Variants in FSTL5 observed in about 807,000 individuals in gnomAD.
FSTL5 encodes the protein follistatin like 5.
Under a neutral mutation model 89.1 loss-of-function variants are expected in FSTL5, and 62 were observed. The observed-to-expected ratio is 0.70, with a 90% CI of 0.57 to 0.86. FSTL5 has a LOEUF of 0.86. Among genes scored for constraint, FSTL5 ranks in the 40% least tolerant of loss-of-function variants. The pLI, the probability that FSTL5 is intolerant of heterozygous loss-of-function variation, is 0.00. For synonymous variants in FSTL5, 383 were observed against 346.2 expected, an observed-to-expected ratio of 1.11 and a Z score of -1.18; for missense variants, 1,057 against 1,001.6, an observed-to-expected ratio of 1.06 and a Z score of -0.75.
intron 15 of FSTL5, among the ~76,000 whole-genome samples, chr4:161,447,128 AC>A (rs1732971158): frequency 6.6e-6 from 1 of 151,938 alleles, no homozygotes; most frequent in Non-Finnish European, 1.5e-5. Flanking sequence ...GCATAATAAA[AC>A]TCAAGAGTCA....
rs550705315 is a variant in FSTL5 at position 161,635,155 on chromosome 4, G to A, written c.894+21173C>T. Among the ~76,000 whole-genome samples, 278 of 152,230 alleles carry A rather than the reference G, an allele frequency of 1.8e-3. 5 individuals are homozygous for A. Among genetic ancestry groups the A allele is most frequent in the Middle Eastern group, 0.014 (4 of 294 alleles). On this transcript the variant is annotated intron_variant, in intron 7 of 15. Transcript: ENST00000306100. The stretch of plus-strand genomic sequence containing the variant: ...TGTAATCCCAGCAATTTGGGAGGCC[G>A]AGGCAGGCAGATCACAAGGTCAGGA...
intron 7 of FSTL5, among the ~76,000 whole-genome samples, chr4:161,620,091 A>G (rs1455461837): frequency 6.6e-6 from 1 of 150,960 alleles, no homozygotes; most frequent in African/African-American, 2.4e-5. Flanking sequence ...TCGCAAGAAG[A>G]AAAAAAGAAC....
intron 7 of FSTL5, among the ~76,000 whole-genome samples, chr4:161,597,058 G>C (rs1055022521): frequency 6.6e-6 from 1 of 151,980 alleles, no homozygotes; most frequent in Admixed American, 6.6e-5. Context: ...GTCAATTTTG[G>C]CTTTTGTTGC....
rs866954589 is a variant in FSTL5, at chr4:161,385,532, C to G, written c.*215G>C. 1 of 460,212 alleles carries G rather than the reference C, an allele frequency of 2.2e-6. No individual in the cohort carries two copies. Among genetic ancestry groups the G allele is most frequent in the Non-Finnish European group, 3.8e-6 (1 of 262,666 alleles). 28.5% of individuals were successfully genotyped at this position (460,212 alleles called of 1,614,324 possible). A position where few individuals can be genotyped will look rare whatever the true frequency, so the allele number is the denominator to read the frequency against. On this transcript the variant is annotated 3_prime_UTR_variant, in exon 16 of 16. Transcript: ENST00000306100. ...GATTCTTGTGACTGATGTGATTTCT[C>G]ATTAAATATTGTGCTGAGTATTTCT...
intron 7 of FSTL5, among the ~76,000 whole-genome samples, chr4:161,603,413 TTCTC>T (rs989145449): frequency 6.6e-6 from 1 of 152,112 alleles, no homozygotes; most frequent in Non-Finnish European, 1.5e-5. Flanking sequence ...AGTTCTCTCT[TTCTC>T]TATTTTTCTC....
chr4:161,767,139 A>G (rs1470873815), intron 5 of FSTL5, among the ~76,000 whole-genome samples: 1 of 152,210 alleles, frequency 6.6e-6, no homozygotes, highest in East Asian at 1.9e-4. Flanking sequence ...AGAAATTATC[A>G]TTAACCTTCT....
chr4:161,489,365 GA>G (rs1248111886), intron 12 of FSTL5, among the ~76,000 whole-genome samples: 2 of 151,986 alleles, frequency 1.3e-5, no homozygotes, highest in Non-Finnish European at 2.9e-5. Context: ...TAAATATCAA[GA>G]AAAGGTCTAG....
At chr4:161,491,600 G>A (rs1007616114) in intron 12 of FSTL5, among the ~76,000 whole-genome samples, 1 of 152,012 alleles carries the variant, frequency 6.6e-6, no homozygotes, top group Non-Finnish European at 1.5e-5. Context: ...CAGCACTTTG[G>A]GAAACTGTGG....
At chr4:161,476,498 G>GT (rs1291735369) in intron 13 of FSTL5, among the ~76,000 whole-genome samples, 3 of 151,948 alleles carry the variant, frequency 2.0e-5, no homozygotes, top group Non-Finnish European at 4.4e-5. Flanking sequence ...AGCCACTGCT[G>GT]TTTTTTTAAT....
intron 3 of FSTL5, among the ~76,000 whole-genome samples, chr4:161,966,434 T>C (rs1166720961): frequency 2.0e-5 from 3 of 152,112 alleles, no homozygotes; most frequent in Admixed American, 1.3e-4. Flanking sequence ...TTGGCTGAAT[T>C]GCATTCCTCA....
At chr4:161,547,066 A>G (rs529053232) in intron 8 of FSTL5, among the ~76,000 whole-genome samples, 35 of 152,126 alleles carry the variant, frequency 2.3e-4, no homozygotes, top group African/African-American at 5.8e-4. Context: ...GTCATAAGAT[A>G]CTCAATCACT....
At position 162,046,929 on chromosome 4, in the gene FSTL5, T is replaced by C. The variant is rs973172892; in HGVS notation, c.127-13271A>G. 7.6e-4 allele frequency among the ~76,000 whole-genome samples: 115 copies of C among 152,260 alleles called. 1 individual carries two copies. Among genetic ancestry groups the C allele is most frequent in the Non-Finnish European group, 1.3e-3 (86 of 68,014 alleles). Reference sequence around the variant, plus strand: ...GTCATAGGAATCTAATTATTTGGTTTGTGAATTCCCAGTGACTGAGAGTAG... The same window carrying C: ...GTCATAGGAATCTAATTATTTGGTTCGTGAATTCCCAGTGACTGAGAGTAG... On this transcript the variant is annotated intron_variant, in intron 2 of 15. Transcript: ENST00000306100.
intron 3 of FSTL5, among the ~76,000 whole-genome samples, chr4:161,987,470 GTA>G (rs201220219): frequency 2.2e-4 from 29 of 130,082 alleles, no homozygotes; most frequent in East Asian, 1.0e-3. Context: ...ATATATATAT[GTA>G]TATATATATA....
intron 5 of FSTL5, among the ~76,000 whole-genome samples, chr4:161,760,675 C>T (rs1034775764): frequency 3.9e-5 from 6 of 152,244 alleles, no homozygotes; most frequent in East Asian, 1.9e-4. Context: ...TGCATTGCTT[C>T]TTTAAATAAT....
intron 7 of FSTL5, among the ~76,000 whole-genome samples, chr4:161,634,752 G>A (rs1735629122): frequency 6.6e-6 from 1 of 152,142 alleles, no homozygotes; most frequent in Non-Finnish European, 1.5e-5. Flanking sequence ...AGAAAAATGG[G>A]AGGACATTGT....
intron 4 of FSTL5, among the ~76,000 whole-genome samples, chr4:161,806,229 GT>G (rs1729961049): frequency 6.6e-6 from 1 of 152,118 alleles, no homozygotes; most frequent in Admixed American, 6.6e-5. Flanking sequence ...ACAAAACTGA[GT>G]CAAAGACAAG....
At chr4:161,547,332 C>T (rs2126551542) in intron 8 of FSTL5, among the ~76,000 whole-genome samples, 1 of 152,104 alleles carries the variant, frequency 6.6e-6, no homozygotes, top group South Asian at 2.1e-4. Flanking sequence ...TTTATTATTG[C>T]ATATCTTGAT....
intron 15 of FSTL5, among the ~76,000 whole-genome samples, chr4:161,415,774 G>GAT (rs1211930529): frequency 2.1e-5 from 3 of 141,936 alleles, no homozygotes; most frequent in African/African-American, 5.2e-5. Context: ...ACATATAGGG[G>GAT]ATATATATAT....
intron 4 of FSTL5, among the ~76,000 whole-genome samples, chr4:161,793,592 T>G (rs1729542559): frequency 7.8e-6 from 1 of 128,454 alleles, no homozygotes; most frequent in Admixed American, 9.1e-5. Context: ...ATAAGGTTGC[T>G]TTTGGGGAAA....
Sources: gnomAD v4.1 joint callset for allele counts (sites outside exome capture counted in the v4.1 genomes callset) on GRCh38, gnomAD v4.1.1 for gene constraint, MANE v1.5 for transcripts, NCBI Gene and HGNC (gene_info 2026-07-23, HGNC 2026-07-21) for gene names.